The following PATJ variants were observed in gnomAD, a reference collection of about 807,000 sequenced individuals.
The protein encoded by PATJ is inaD-like protein.
Under a neutral mutation model 224.9 loss-of-function variants are expected in PATJ, and 190 were observed. That is an observed-to-expected ratio of 0.84 (90% CI 0.75 to 0.95). The LOEUF is 0.95. Among genes scored for constraint, PATJ ranks in the 40% least tolerant of loss-of-function variants. The pLI is 0.00. For synonymous variants in PATJ, 769 were observed against 820.3 expected (o/e 0.94, Z 1.07); for missense variants, 2,121 against 2,270.3 (o/e 0.93, Z 1.34).
chr1:61,994,778 TC>T (rs754769662), intron 28 of PATJ, among the ~76,000 whole-genome samples: 41 of 152,114 alleles, frequency 2.7e-4, no homozygotes, highest in Admixed American at 2.2e-3. Flanking sequence ...GGTCTTAAAC[TC>T]CTGATCTCAG....
At chr1:62,071,860 C>T (rs1657480464) in intron 31 of PATJ, among the ~76,000 whole-genome samples, 1 of 152,012 alleles carries the variant, frequency 6.6e-6, no homozygotes, top group South Asian at 2.1e-4. Flanking sequence ...ACAAGTTATC[C>T]CTACCTTCCA....
intron 27 of PATJ, among the ~76,000 whole-genome samples, chr1:61,959,426 T>TATATA (rs371038532): frequency 0.04 from 3,971 of 99,500 alleles, 209 homozygotes; most frequent in African/African-American, 0.12. Context: ...ATATAATATA[T>TATATA]TTTTTTTCTT....
intron 1 of PATJ, among the ~76,000 whole-genome samples, chr1:61,745,836 T>C (rs1644995007): frequency 6.6e-6 from 1 of 151,862 alleles, no homozygotes; most frequent in African/African-American, 2.4e-5. Flanking sequence ...ACTCCTGACC[T>C]CAGGCGATCC....
At chr1:62,070,942 A>G (rs1364737495) in intron 31 of PATJ, among the ~76,000 whole-genome samples, 1 of 152,202 alleles carries the variant, frequency 6.6e-6, no homozygotes, top group East Asian at 1.9e-4. Context: ...AATAACAATG[A>G]ACAGCTGGGC....
intron 11 of PATJ, 100 bp downstream of exon 11, chr1:61,797,528 C>T: frequency 3.0e-6 from 3 of 1,006,938 alleles, no homozygotes; most frequent in East Asian, 2.4e-5. Flanking sequence ...GAAATGTTGT[C>T]CCACCTCGTG....
chr1:61,989,599 T>C (rs1644950367), intron 27 of PATJ, among the ~76,000 whole-genome samples: 1 of 152,186 alleles, frequency 6.6e-6, no homozygotes, highest in South Asian at 2.1e-4. Flanking sequence ...TAAGACCAAA[T>C]ACTTTGCTTG....
Position 61,771,723 on chromosome 1 carries a change from CCT to C in PATJ, c.720+98_720+99del. The C allele has an allele frequency of 1.1e-5, 10 of 951,362 alleles. No individual in the cohort carries two copies. The African/African-American group carries it at 1.2e-4, about 12-fold the overall frequency. The allele number at this position is 951,362 out of a possible 1,614,324, so 58.9% of individuals were successfully genotyped here. On this transcript the variant is annotated intron_variant, in intron 6 of 43. Transcript: ENST00000642238. ...AGAAGGTGTCATTTTACCTTTCTTT[CCT>C]TTTTTTTTTTTGAGATGGAGTTTCG...
chr1:62,141,352 A>G (rs1667473545), intron 41 of PATJ, among the ~76,000 whole-genome samples: 1 of 152,146 alleles, frequency 6.6e-6, no homozygotes. Context: ...TTAAAGACAT[A>G]CATAATGCAG....
In PATJ at chr1:61,791,298, CA is replaced by C. The variant is rs777903548; in HGVS notation, c.1069-49del. On this transcript the variant is annotated intron_variant, in intron 8 of 43. Transcript: ENST00000642238. ...ACCTTGCACAGATTGACTATGTACA[CA>C]CAGGTATGCCACTAAGCATATATAA... 59 of 1,061,014 alleles carry C rather than the reference CA, an allele frequency of 5.6e-5. No homozygotes were observed. In the South Asian group the frequency reaches 7.0e-4, roughly 13 times the overall value. The allele number at this position is 1,061,014 out of a possible 1,614,324, so 65.7% of individuals were successfully genotyped here.
At chr1:61,890,428 A>G (rs1468565582) in intron 22 of PATJ, among the ~76,000 whole-genome samples, 2 of 152,152 alleles carry the variant, frequency 1.3e-5, no homozygotes, top group Non-Finnish European at 2.9e-5. Flanking sequence ...ATAGCAAGCT[A>G]TGATTATACC....
chr1:62,079,110 C>A (rs1432459426), intron 31 of PATJ, among the ~76,000 whole-genome samples: 1 of 152,134 alleles, frequency 6.6e-6, no homozygotes, highest in Non-Finnish European at 1.5e-5. Flanking sequence ...GGGCTTCTTG[C>A]TGATTTCATC....
chr1:62,023,062 G>C (rs1169596116), intron 29 of PATJ, among the ~76,000 whole-genome samples: 1 of 152,160 alleles, frequency 6.6e-6, no homozygotes, highest in Non-Finnish European at 1.5e-5. Flanking sequence ...GGCCCAGGCA[G>C]GCAGATCATC....
chr1:61,900,728 T>C (rs979214884), intron 23 of PATJ, among the ~76,000 whole-genome samples: 3 of 151,752 alleles, frequency 2.0e-5, no homozygotes, highest in African/African-American at 2.4e-5. Flanking sequence ...TAGCTGGGAC[T>C]ACAGGCGCCC....
intron 3 of PATJ, among the ~76,000 whole-genome samples, chr1:61,763,909 C>T (rs1646113356): frequency 6.6e-6 from 1 of 152,172 alleles, no homozygotes; most frequent in Non-Finnish European, 1.5e-5. Flanking sequence ...CCTCCTACCT[C>T]AGCCTTCCAA....
intron 14 of PATJ, among the ~76,000 whole-genome samples, chr1:61,818,184 T>C (rs890017573): frequency 2.6e-5 from 4 of 152,276 alleles, no homozygotes; most frequent in Admixed American, 6.5e-5. Flanking sequence ...TCAAGCCTTC[T>C]TGATCTCATT....
At chr1:62,042,813 A>G (rs964674812) in intron 30 of PATJ, among the ~76,000 whole-genome samples, 2 of 151,856 alleles carry the variant, frequency 1.3e-5, no homozygotes, top group Non-Finnish European at 2.9e-5. Flanking sequence ...TGCTTGGCTA[A>G]TTTTTAAATT....
intron 27 of PATJ, among the ~76,000 whole-genome samples, chr1:61,967,430 C>G (rs556363262): frequency 6.6e-6 from 1 of 152,268 alleles, no homozygotes; most frequent in East Asian, 1.9e-4. Context: ...CATTCAATGT[C>G]TGCTTTTCAT....
At chr1:62,006,070 A>G (rs1646074114) in intron 28 of PATJ, among the ~76,000 whole-genome samples, 1 of 151,998 alleles carries the variant, frequency 6.6e-6, no homozygotes, top group Admixed American at 6.6e-5. Flanking sequence ...GATTTAATTG[A>G]GCTGCTCTTC....
At chr1:62,039,499 T>C (rs372319390) in intron 30 of PATJ, among the ~76,000 whole-genome samples, 4 of 152,232 alleles carry the variant, frequency 2.6e-5, no homozygotes, top group African/African-American at 9.6e-5. Context: ...TCTCTCTTCA[T>C]GGTTGAAGAC....
Sources: gnomAD v4.1 joint callset for allele counts (sites outside exome capture counted in the v4.1 genomes callset) on GRCh38, gnomAD v4.1.1 for gene constraint, MANE v1.5 for transcripts, NCBI Gene and HGNC (gene_info 2026-07-23, HGNC 2026-07-21) for gene names.